COL10A1: variants seen among roughly 807,000 people sequenced by gnomAD.
COL10A1 encodes the protein collagen type X alpha 1 chain, also known as collagen alpha-1(X) chain.
In COL10A1, 10 loss-of-function variants were observed where a neutral mutation model predicts 18.2. The ratio of observed to expected loss-of-function variants is 0.55; its 90% CI spans 0.34 to 0.93. COL10A1 has a LOEUF of 0.93. COL10A1 is among the 40% of genes least tolerant of loss of function. The probability of loss-of-function intolerance (pLI) is 0.02; values close to 1 mark genes in which losing one functional copy is unlikely to be tolerated. For missense variants in COL10A1, 897 were observed against 853.5 expected (o/e 1.05, Z -0.64); for synonymous variants, 330 against 316.6 (o/e 1.04, Z -0.45).
At chr6:116,151,058 C>A (rs1562140053) in intron 1 of COL10A1, among the ~76,000 whole-genome samples, 2 of 152,144 alleles carry the variant, frequency 1.3e-5, no homozygotes, top group Non-Finnish European at 2.9e-5. Flanking sequence ...ATCTTGACAT[C>A]TCTGAGTTTT....
the COL10A1 span, among the ~76,000 whole-genome samples, chr6:116,181,281 A>G: frequency 6.6e-6 from 1 of 152,068 alleles, no homozygotes; most frequent in Non-Finnish European, 1.5e-5. Flanking sequence ...ATAAGAATAC[A>G]ATGTAATATA....
At chr6:116,125,228 A>C in intron 2 of COL10A1, 111 bp downstream of exon 2, 1 of 1,246,532 alleles carries the variant, frequency 8.0e-7, no homozygotes, top group Non-Finnish European at 1.1e-6. Context: ...GGGCTAATTC[A>C]GAAGTTGGAA....
chr6:116,175,866 C>T, the COL10A1 span, among the ~76,000 whole-genome samples: 2 of 151,988 alleles, frequency 1.3e-5, no homozygotes, highest in African/African-American at 4.8e-5. Context: ...ATTTTTAAGT[C>T]CCTGTCTGAT....
chr6:116,163,835 T>C, the COL10A1 span, among the ~76,000 whole-genome samples: 1 of 152,190 alleles, frequency 6.6e-6, no homozygotes, highest in Admixed American at 6.5e-5. Context: ...AATTCTTTTT[T>C]ATTTCGGCCT....
chr6:116,164,323 CTT>C, the COL10A1 span, among the ~76,000 whole-genome samples: 1 of 152,042 alleles, frequency 6.6e-6, no homozygotes, highest in African/African-American at 2.4e-5. Flanking sequence ...GAGTTGAAGT[CTT>C]TATCATGTAT....
rs926334590 is a variant in COL10A1 at position 116,136,468 on chromosome 6, G to T, written c.-15-10961C>A. Among the ~76,000 whole-genome samples, 175 of 151,518 alleles carry T rather than the reference G, an allele frequency of 1.2e-3. 1 individual carries two copies. The highest frequency in any genetic ancestry group is 4.0e-3 in the African/African-American group (164 of 41,266). On this transcript the variant is annotated intron_variant, in intron 1 of 1. Coordinates refer to the COL10A1 transcript ENST00000418500. ...AGCTATTTTTTTTAAGTTTTGTGGG[G>T]TTTTTTTTAAAAGAAGAAAATGAAG...
chr6:116,210,821 G>A, the COL10A1 span, among the ~76,000 whole-genome samples: 3 of 152,070 alleles, frequency 2.0e-5, no homozygotes, highest in South Asian at 6.2e-4. Flanking sequence ...AACTATATAT[G>A]GTATGCTTAA....
At chr6:116,172,479 GC>G in the COL10A1 span, among the ~76,000 whole-genome samples, 1 of 151,600 alleles carries the variant, frequency 6.6e-6, no homozygotes, top group Non-Finnish European at 1.5e-5. Flanking sequence ...ACGCCACCAC[GC>G]CCAGCCAATT....
In COL10A1 at chr6:116,120,503, G is replaced by A. The variant is rs968858992; in HGVS notation, c.1613C>T (p.Pro538Leu). The change falls in exon 3 of 3, where the codon CCT becomes CTT. Residue 538 changes from proline (P) to leucine (L), a missense_variant. Transcript: ENST00000651968. ...AGQRPSLSGT[P>L]LVSANQGVTG... The stretch of plus-strand genomic sequence containing the variant: ...TACCCCCTGGTTGGCACTAACAAGA[G>A]GGGTCCCAGAAAGACTGGGCCTTTG... 2.5e-6 allele frequency: 4 copies of A among 1,614,100 alleles called. No homozygotes were observed. In the African/African-American group the frequency reaches 4.0e-5, roughly 16 times the overall value.
In COL10A1 at chr6:116,120,258, G is replaced by A; in HGVS notation, c.1858C>T (p.Pro620Ser). The A allele has an allele frequency of 6.2e-7, 1 of 1,614,176 alleles. No homozygotes were observed. ...VWVGLYKNGT[P>S]VMYTYDEYTK... ...TATTCATCATAGGTGTACATTACAGGGGTGCCATTCTTATACAGGCCTACC... is the reference window on the plus strand; with the variant it reads ...TATTCATCATAGGTGTACATTACAGAGGTGCCATTCTTATACAGGCCTACC... Residue 620 changes from proline (P) to serine (S), a missense_variant, in exon 3 of 3, where the codon CCT (proline) becomes TCT (serine). Coordinates refer to ENST00000651968, the MANE Select transcript of COL10A1 (RefSeq NM_000493.4).
Position 116,121,387 on chromosome 6 carries a change from C to T in COL10A1, c.729G>A (p.Met243Ile), listed in dbSNP as rs1037513158. The T allele has an allele frequency of 6.2e-6, 10 of 1,613,818 alleles. No homozygotes were observed. The highest frequency in any genetic ancestry group is 7.6e-6 in the Non-Finnish European group (9 of 1,179,958). Residue 243 changes from methionine to isoleucine, a missense_variant, in exon 3 of 3, where the codon ATG (methionine) becomes ATA (isoleucine). Physicochemically the swap from Met to Ile is conservative, Grantham distance 10 (BLOSUM62 1). Transcript: ENST00000651968. ...GGGGACCTGGTGGGCCAATTGGTCCCATTTCTCCCGGAAAACCTCTATCAC... is the reference window on the plus strand; with the variant it reads ...GGGGACCTGGTGGGCCAATTGGTCCTATTTCTCCCGGAAAACCTCTATCAC... ...IKGDRGFPGE[M>I]GPIGPPGPQG...
chr6:116,145,546 T>C (rs1779877717), intron 1 of COL10A1: 1 of 273,850 alleles, frequency 3.7e-6, no homozygotes, highest in African/African-American at 2.2e-5. Flanking sequence ...TGTCCTGCTA[T>C]TGTCATCTTA....
chr6:116,129,242 A>C (rs1259619604), upstream of COL10A1, among the ~76,000 whole-genome samples: 1 of 152,176 alleles, frequency 6.6e-6, no homozygotes, highest in African/African-American at 2.4e-5. Context: ...ATGTATACAC[A>C]TGTCTATATT....
chr6:116,196,695 A>G, the COL10A1 span, among the ~76,000 whole-genome samples: 1 of 151,986 alleles, frequency 6.6e-6, no homozygotes, highest in Non-Finnish European at 1.5e-5. Flanking sequence ...GCATTTCACC[A>G]GCATTGCTGA....
chr6:116,213,204 A>T, the COL10A1 span, among the ~76,000 whole-genome samples: 4 of 152,064 alleles, frequency 2.6e-5, no homozygotes. Context: ...CTGTGGTTGC[A>T]GTCAGATGTC....
the COL10A1 span, among the ~76,000 whole-genome samples, chr6:116,204,122 A>G: frequency 4.0e-5 from 6 of 151,898 alleles, no homozygotes; most frequent in East Asian, 9.7e-4. Context: ...AAGGGAGAGG[A>G]CGATGCACTG....
At chr6:116,201,209 A>T in the COL10A1 span, among the ~76,000 whole-genome samples, 2 of 152,074 alleles carry the variant, frequency 1.3e-5, no homozygotes, top group African/African-American at 4.8e-5. Context: ...CAGATAAAAA[A>T]GTTTAATATA....
chr6:116,206,469 T>C, the COL10A1 span, among the ~76,000 whole-genome samples: 1 of 151,992 alleles, frequency 6.6e-6, no homozygotes, highest in Non-Finnish European at 1.5e-5. Context: ...ACTGTCTGAT[T>C]TGGGTCCATA....
At chr6:116,181,784 G>A in the COL10A1 span, among the ~76,000 whole-genome samples, 2 of 151,980 alleles carry the variant, frequency 1.3e-5, no homozygotes, top group African/African-American at 4.8e-5. Flanking sequence ...GCTATATTAT[G>A]TTCCTGGTGG....
Sources: gnomAD v4.1 joint callset for allele counts (sites outside exome capture counted in the v4.1 genomes callset) on GRCh38, gnomAD v4.1.1 for gene constraint, MANE v1.5 for transcripts, NCBI Gene and HGNC (gene_info 2026-07-23, HGNC 2026-07-21) for gene names.